The following PODN variants were observed in gnomAD, a reference collection of about 807,000 sequenced individuals.
PODN encodes podocan.
A neutral mutation model predicts 52.7 loss-of-function variants in PODN; 40 were observed. That is an observed-to-expected ratio of 0.76 (90% CI 0.59 to 0.99). PODN has a LOEUF of 0.99. Ranked by LOEUF, PODN falls within the 50% of genes least tolerant of loss-of-function variation. The pLI is 0.00. For missense variants in PODN, 720 were observed against 815.1 expected (o/e 0.88, Z 1.42); for synonymous variants, 396 against 377.9 (o/e 1.05, Z -0.56).
At chr1:53,069,769 A>C in intron 1 of PODN, 32 bp from the exon 2 acceptor site, 1 of 1,537,584 alleles carries the variant, frequency 6.5e-7, no homozygotes, top group Admixed American at 2.2e-5. Flanking sequence ...ATGACTTTCG[A>C]GGGCCCCAGC....
Position 53,077,408 on chromosome 1 carries a change from G to A in PODN, c.738+62G>A. On this transcript the variant is annotated intron_variant, in intron 6 of 10. Transcript: ENST00000312553. ...CCCACAGCCAGGGCACTGGGGCAGG[G>A]GCCTGCAGGGGAAGAGCTCAGGCCC... is the stretch of plus-strand genomic sequence containing the variant. The A allele has an allele frequency of 1.9e-6, 3 of 1,583,708 alleles. No individual in the cohort carries two copies. The South Asian group carries it at 3.5e-5, about 18-fold the overall frequency.
rs1644186391 is a variant in PODN at position 53,075,876 on chromosome 1, C to G, written c.486C>G (p.Pro162=). The change falls in exon 5 of 11, where the codon CCC becomes CCG. Residue 162 remains proline, a synonymous_variant. Coordinates refer to ENST00000312553, the MANE Select transcript of PODN (RefSeq NM_153703.5). ...TCCCTTCCCAGCTGACCTTGGCACC[C>G]CGCTTCCTGCCAAACGCCCTGATCA... The part of the protein sequence containing the change: ...YLANNKLTLA[P]RFLPNALISV... 6.2e-7 allele frequency: 1 copy of G among 1,600,578 alleles called. No individual in the cohort carries two copies. The highest frequency in any genetic ancestry group is 1.3e-5 in the African/African-American group (1 of 74,742).
At chr1:53,065,786 TGTGA>T (rs1314446953) in intron 1 of PODN, among the ~76,000 whole-genome samples, 2 of 152,182 alleles carry the variant, frequency 1.3e-5, no homozygotes, top group Admixed American at 1.3e-4. Flanking sequence ...CTGACAGTCT[TGTGA>T]GTGTGAACTG....
At chr1:53,067,645 A>G (rs78425818) in intron 1 of PODN, among the ~76,000 whole-genome samples, 2,074 of 152,254 alleles carry the variant, frequency 0.014, 49 homozygotes, top group African/African-American at 0.047. Context: ...GTCCAGGCCA[A>G]GTGACTCATG....
rs375792622 is a variant in PODN at position 53,081,964 on chromosome 1, C to A, written c.1662-17C>A. 1.9e-6 allele frequency: 3 copies of A among 1,576,536 alleles called. No individual in the cohort carries two copies. The highest frequency in any genetic ancestry group is 2.6e-6 in the Non-Finnish European group (3 of 1,156,660). On this transcript the variant is annotated splice_polypyrimidine_tract_variant and intron_variant, in intron 9 of 10. Transcript: ENST00000312553. ...GGGGTTGGGCTCCTGGCATTGACTG[C>A]CTCGATGCTCACACAGGTTTAACAA...
rs138853761 is a variant in PODN at position 53,077,326 on chromosome 1, C to A, written c.718C>A (p.Leu240Met). 532 of 1,613,204 alleles carry A rather than the reference C, an allele frequency of 3.3e-4. No homozygotes were observed. Among genetic ancestry groups the A allele is most frequent in the South Asian group, 1.6e-3 (148 of 91,084 alleles). Reference sequence around the variant, plus strand: ...CGTGCCCAAGCACCTGCCGCCTGCCCTGTACAAGCTGCACCTCAAGGTGGG... The same window carrying A: ...CGTGCCCAAGCACCTGCCGCCTGCCATGTACAAGCTGCACCTCAAGGTGGG... ...RHVPKHLPPALYKLHLKNNKL... is the reference protein window; with the variant it reads ...RHVPKHLPPAMYKLHLKNNKL... Residue 240 changes from leucine (L) to methionine (M), a missense_variant, in exon 6 of 11, where the codon CTG (leucine) becomes ATG (methionine). By Grantham distance (15) the Leu-to-Met change is conservative. Transcript: ENST00000312553.
At position 53,074,629 on chromosome 1, in the gene PODN, C is replaced by A; in HGVS notation, c.430C>A (p.His144Asn). 1.9e-6 allele frequency: 3 copies of A among 1,614,082 alleles called. No homozygotes were observed. Among genetic ancestry groups the A allele is most frequent in the Non-Finnish European group, 2.5e-6 (3 of 1,180,012 alleles). Residue 144 changes from histidine to asparagine, a missense_variant, in exon 4 of 11, where the codon CAT becomes AAT. Coordinates refer to ENST00000312553, the MANE Select transcript of PODN (RefSeq NM_153703.5). ...SRGLPEKAFE[H>N]LTNLNYLYLA... ...AGGGCTCCCAGAGAAGGCGTTTGAGCATCTGACCAACCTCAATTACCTGTA... is the reference window on the plus strand; with the variant it reads ...AGGGCTCCCAGAGAAGGCGTTTGAGAATCTGACCAACCTCAATTACCTGTA...
intron 1 of PODN, chr1:53,063,547 A>ACAGCATTCC (rs757805014): frequency 4.1e-5 from 40 of 985,456 alleles, no homozygotes; most frequent in Non-Finnish European, 4.8e-5. Context: ...CTGCAGGCGC[A>ACAGCATTCC]CAGCATTCCG....
chr1:53,081,953 G>A, intron 9 of PODN, 28 bp from the exon 10 acceptor site: 1 of 1,570,090 alleles, frequency 6.4e-7, no homozygotes. Flanking sequence ...TTGGGCTCCT[G>A]GCATTGACTG....
chr1:53,070,287 C>A, intron 2 of PODN, 120 bp downstream of exon 2: 1 of 1,443,118 alleles, frequency 6.9e-7, no homozygotes, highest in South Asian at 1.3e-5. Context: ...GTGCGGCTCT[C>A]CACTCCCAAC....
intron 1 of PODN, among the ~76,000 whole-genome samples, chr1:53,069,521 G>A (rs763988005): frequency 6.6e-6 from 1 of 152,220 alleles, no homozygotes; most frequent in Non-Finnish European, 1.5e-5. Context: ...AGTCCAGGTC[G>A]TGTCTCAGCT....
At chr1:53,080,905 AC>A (rs1331966868) in intron 9 of PODN, 29 bp downstream of exon 9, 2 of 1,609,954 alleles carry the variant, frequency 1.2e-6, no homozygotes, top group Non-Finnish European at 8.5e-7. Context: ...CCCTGTACAC[AC>A]CCCCGTGGGG....
chr1:53,067,453 A>G (rs1644049907), intron 1 of PODN, among the ~76,000 whole-genome samples: 1 of 152,120 alleles, frequency 6.6e-6, no homozygotes, highest in Non-Finnish European at 1.5e-5. Context: ...AGTGCCCAGT[A>G]CAGGCCCAGG....
intron 3 of PODN, among the ~76,000 whole-genome samples, chr1:53,072,309 A>G (rs990771619): frequency 3.9e-5 from 6 of 152,200 alleles, no homozygotes; most frequent in African/African-American, 1.4e-4. Context: ...TTTCATGTTT[A>G]CACTTGTGAT....
chr1:53,068,072 T>C (rs1644058759), intron 1 of PODN, among the ~76,000 whole-genome samples: 1 of 152,114 alleles, frequency 6.6e-6, no homozygotes, highest in South Asian at 2.1e-4. Context: ...AAGCTAACGT[T>C]TACTGAGCAC....
intron 1 of PODN, 113 bp from the exon 2 acceptor site, chr1:53,069,688 C>A: frequency 7.1e-7 from 1 of 1,413,732 alleles, no homozygotes. Flanking sequence ...CGGAGGGCAG[C>A]AGTCAGTCAT....
Position 53,080,821 on chromosome 1 carries a change from G to T in PODN, c.1606G>T (p.Ala536Ser). ...YLYLQNNKIS[A>S]VPANAFDSTP... The stretch of plus-strand genomic sequence containing the variant: ...GTACCTGCAGAACAACAAGATTAGT[G>T]CGGTGCCCGCCAATGCCTTCGACTC... Residue 536 changes from alanine (A) to serine (S), a missense_variant, in exon 9 of 11, where the codon GCG becomes TCG. Ala to Ser is a moderately conservative substitution (Grantham distance 99). Coordinates refer to ENST00000312553, the MANE Select transcript of PODN (RefSeq NM_153703.5). 2 of 1,614,102 alleles carry T rather than the reference G, an allele frequency of 1.2e-6. No individual in the cohort carries two copies. The highest frequency in any genetic ancestry group is 1.7e-6 in the Non-Finnish European group (2 of 1,180,028).
chr1:53,084,846 T>C lies in PODN; in HGVS notation c.*361T>C. ...CTGGCACACACAGGCACCCATTCCCTCCCCCTGCTGACATGTGTATGCGTA... is the reference window on the plus strand; with the variant it reads ...CTGGCACACACAGGCACCCATTCCCCCCCCCTGCTGACATGTGTATGCGTA... On this transcript the variant is annotated 3_prime_UTR_variant, in exon 11 of 11. Coordinates refer to ENST00000312553, the MANE Select transcript of PODN (RefSeq NM_153703.5). The C allele has an allele frequency of 6.6e-6, 1 of 151,418 alleles. No individual in the cohort carries two copies. Among genetic ancestry groups the C allele is most frequent in the Non-Finnish European group, 1.5e-5 (1 of 67,880 alleles). 9.4% of individuals were successfully genotyped at this position (151,418 alleles called of 1,614,324 possible).
chr1:53,077,757 A>G lies in PODN; in HGVS notation c.811A>G (p.Asn271Asp), dbSNP rs781144302. The G allele has an allele frequency of 3.1e-6, 5 of 1,613,722 alleles. No homozygotes were observed. The highest frequency in any genetic ancestry group is 3.3e-5 in the Admixed American group (2 of 60,020). The change falls in exon 7 of 11, where the codon AAC (asparagine) becomes GAC (aspartate). Residue 271 changes from asparagine to aspartate, a missense_variant. Coordinates refer to ENST00000312553, the MANE Select transcript of PODN (RefSeq NM_153703.5). ...CAGCCTGCGCGAGCTATACCTGCAGAACAACTACCTGACTGACGAGGGCCT... is the reference window on the plus strand; with the variant it reads ...CAGCCTGCGCGAGCTATACCTGCAGGACAACTACCTGACTGACGAGGGCCT... ...LSSLRELYLQ[N>D]NYLTDEGLDN...
Sources: allele counts gnomAD v4.1 joint callset (sites outside exome capture counted in the v4.1 genomes callset), GRCh38; gene constraint gnomAD v4.1.1; transcripts MANE v1.5; gene names NCBI Gene and HGNC (gene_info 2026-07-23, HGNC 2026-07-21).